ST8SIA2: variants seen among roughly 807,000 people sequenced by gnomAD.
ST8SIA2 encodes ST8 alpha-N-acetyl-neuraminide alpha-2,8-sialyltransferase 2.
Under a neutral mutation model 37.6 loss-of-function variants are expected in ST8SIA2, and 22 were observed. That is an observed-to-expected ratio of 0.58 (90% CI 0.42 to 0.83). The LOEUF (loss-of-function observed/expected upper bound fraction) is 0.83, where lower values mean the gene tolerates loss of function less well. Ranked by LOEUF, ST8SIA2 falls within the 40% of genes least tolerant of loss-of-function variation. The probability of loss-of-function intolerance (pLI) is 0.00; values close to 1 mark genes in which losing one functional copy is unlikely to be tolerated. For synonymous variants in ST8SIA2, 205 were observed against 201.2 expected (o/e 1.02, Z -0.16); for missense variants, 382 against 484.7 (o/e 0.79, Z 1.99).
At chr15:92,407,813 A>T (rs1282140755) in intron 1 of ST8SIA2, among the ~76,000 whole-genome samples, 1 of 152,174 alleles carries the variant, frequency 6.6e-6, no homozygotes, top group African/African-American at 2.4e-5. Context: ...AGGGCAAGGG[A>T]TATTGGTATT....
intron 1 of ST8SIA2, among the ~76,000 whole-genome samples, chr15:92,408,681 ATTT>A (rs749682993): frequency 2.0e-5 from 2 of 100,054 alleles, no homozygotes; most frequent in Non-Finnish European, 3.7e-5. Context: ...CATTTTTTTT[ATTT>A]ATTTATTTAT....
intron 1 of ST8SIA2, among the ~76,000 whole-genome samples, chr15:92,418,967 C>T (rs1392254431): frequency 6.6e-6 from 1 of 152,138 alleles, no homozygotes; most frequent in Non-Finnish European, 1.5e-5. Context: ...CATTTGGGAT[C>T]CTTTGTCATG....
chr15:92,454,000 A>C (rs1229539725), intron 5 of ST8SIA2, among the ~76,000 whole-genome samples: 1 of 152,188 alleles, frequency 6.6e-6, no homozygotes, highest in Non-Finnish European at 1.5e-5. Context: ...TGAATTCAGC[A>C]TCTTTGGAGA....
At chr15:92,429,278 G>A (rs1465885735) in intron 1 of ST8SIA2, among the ~76,000 whole-genome samples, 1 of 152,150 alleles carries the variant, frequency 6.6e-6, no homozygotes, top group East Asian at 1.9e-4. Flanking sequence ...AAAAGTCGGG[G>A]GTACTCGAGG....
intron 1 of ST8SIA2, among the ~76,000 whole-genome samples, chr15:92,402,530 A>C (rs1427199611): frequency 6.6e-6 from 1 of 152,184 alleles, no homozygotes; most frequent in African/African-American, 2.4e-5. Flanking sequence ...AGTGGGGAAG[A>C]GATGCGTGCT....
intron 1 of ST8SIA2, among the ~76,000 whole-genome samples, chr15:92,394,455 C>A (rs1351990619): frequency 6.6e-6 from 1 of 152,094 alleles, no homozygotes; most frequent in Non-Finnish European, 1.5e-5. Flanking sequence ...CTGGCGTGTC[C>A]AAGCGCAGTG....
chr15:92,463,955 G>T, intron 5 of ST8SIA2, 145 bp from the exon 6 acceptor site: 1 of 1,182,036 alleles, frequency 8.5e-7, no homozygotes. Context: ...CTCCTCTGTG[G>T]AGGGAACCAG....
intron 5 of ST8SIA2, among the ~76,000 whole-genome samples, chr15:92,453,382 G>T (rs2049897141): frequency 6.6e-6 from 1 of 152,066 alleles, no homozygotes; most frequent in Non-Finnish European, 1.5e-5. Flanking sequence ...GACTTTTGGG[G>T]GATTCTCCAT....
At chr15:92,456,852 G>C (rs2049923165) in intron 5 of ST8SIA2, among the ~76,000 whole-genome samples, 2 of 152,214 alleles carry the variant, frequency 1.3e-5, no homozygotes, top group Admixed American at 6.5e-5. Context: ...GGCTAGCCTG[G>C]CTTACTTGAG....
chr15:92,394,369 G>A (rs1466283792), intron 1 of ST8SIA2, among the ~76,000 whole-genome samples: 1 of 152,120 alleles, frequency 6.6e-6, no homozygotes, highest in African/African-American at 2.4e-5. Flanking sequence ...GCTGTGGGGT[G>A]TCCCCGGGCG....
chr15:92,462,173 G>A (rs1312752404), intron 5 of ST8SIA2, among the ~76,000 whole-genome samples: 1 of 152,222 alleles, frequency 6.6e-6, no homozygotes, highest in Non-Finnish European at 1.5e-5. Context: ...TAGGACCACA[G>A]CCTTCATCAG....
rs1337340704 is a variant in ST8SIA2, at chr15:92,464,727, G to A, written c.*342G>A. The A allele has an allele frequency of 2.2e-5, 7 of 319,118 alleles. No homozygotes were observed. Among genetic ancestry groups the A allele is most frequent in the Non-Finnish European group, 5.9e-6 (1 of 169,482 alleles). 19.8% of individuals were successfully genotyped at this position (319,118 alleles called of 1,614,324 possible). A position where few individuals can be genotyped will look rare whatever the true frequency, so the allele number is the denominator to read the frequency against. On this transcript the variant is annotated 3_prime_UTR_variant, in exon 6 of 6. Transcript: ENST00000268164. ...GACTTTGGATGACAAACTGCCTCCT[G>A]GCTTGGAGGGATCTTTGGGCTCATG...
intron 5 of ST8SIA2, among the ~76,000 whole-genome samples, chr15:92,455,846 A>T (rs2049916074): frequency 6.6e-6 from 1 of 152,238 alleles, no homozygotes; most frequent in African/African-American, 2.4e-5. Context: ...CCCTCCCTAG[A>T]GGTAGGTATC....
chr15:92,401,482 C>T (rs1270097012), intron 1 of ST8SIA2, among the ~76,000 whole-genome samples: 1 of 152,170 alleles, frequency 6.6e-6, no homozygotes, highest in Admixed American at 6.5e-5. Flanking sequence ...TCACTGACTT[C>T]GCGACGATGG....
intron 5 of ST8SIA2, among the ~76,000 whole-genome samples, chr15:92,463,454 C>T (rs2049970430): frequency 6.6e-6 from 1 of 152,130 alleles, no homozygotes. Flanking sequence ...GCAGGGACAG[C>T]AAGGAAATCT....
At chr15:92,429,359 T>C (rs140416066) in intron 1 of ST8SIA2, among the ~76,000 whole-genome samples, 5 of 152,194 alleles carry the variant, frequency 3.3e-5, no homozygotes, top group African/African-American at 9.6e-5. Context: ...CCAGACAGAA[T>C]GGGATTTGGC....
rs1195455343 is a variant in ST8SIA2 at position 92,465,827 on chromosome 15, C to CTGGGAGTTTATGTCGAGTTG, written c.*1446_*1447insAGTTTATGTCGAGTTGTGGG. On this transcript the variant is annotated 3_prime_UTR_variant, in exon 6 of 6. Coordinates refer to ENST00000268164, the MANE Select transcript of ST8SIA2 (RefSeq NM_006011.4). ...AGTGGACATAATCTCCCAGGGAAAT[C>CTGGGAGTTTATGTCGAGTTG]TGGGCTCGAGGCCTACAACTTAGGG... is the stretch of plus-strand genomic sequence containing the variant. 2 of 152,162 alleles carry CTGGGAGTTTATGTCGAGTTG rather than the reference C, an allele frequency of 1.3e-5. No individual in the cohort carries two copies. Among genetic ancestry groups the CTGGGAGTTTATGTCGAGTTG allele is most frequent in the African/African-American group, 4.8e-5 (2 of 41,436 alleles). 9.4% of individuals were successfully genotyped at this position (152,162 alleles called of 1,614,324 possible). A position where few individuals can be genotyped will look rare whatever the true frequency, so the allele number is the denominator to read the frequency against.
chr15:92,448,938 T>G (rs942710997), intron 5 of ST8SIA2, among the ~76,000 whole-genome samples: 2 of 150,444 alleles, frequency 1.3e-5, no homozygotes, highest in African/African-American at 2.4e-5. Flanking sequence ...ATAGGGTATG[T>G]GGGGGGGGGT....
chr15:92,425,986 G>T (rs1030912265), intron 1 of ST8SIA2, among the ~76,000 whole-genome samples: 4 of 152,036 alleles, frequency 2.6e-5, no homozygotes, highest in Admixed American at 6.6e-5. Context: ...AGCCCCAGAT[G>T]TCAAAGCATT....
Sources: allele counts gnomAD v4.1 joint callset (sites outside exome capture counted in the v4.1 genomes callset), GRCh38; gene constraint gnomAD v4.1.1; transcripts MANE v1.5; gene names NCBI Gene and HGNC (gene_info 2026-07-23, HGNC 2026-07-21).